The following DIAPH2 variants were observed in gnomAD, a reference collection of about 807,000 sequenced individuals.
DIAPH2 encodes the protein protein diaphanous homolog 2.
Under a neutral mutation model 92.7 loss-of-function variants are expected in DIAPH2, and 35 were observed. The observed-to-expected ratio is 0.38, with a 90% CI of 0.29 to 0.50. The LOEUF is 0.50. Among genes scored for constraint, DIAPH2 ranks in the 20% least tolerant of loss-of-function variants. The probability of loss-of-function intolerance (pLI) is 0.94; values close to 1 mark genes in which losing one functional copy is unlikely to be tolerated. For missense variants in DIAPH2, 701 were observed against 819.5 expected (o/e 0.86, Z 1.77); for synonymous variants, 301 against 280.4 (o/e 1.07, Z -0.73).
intron 23 of DIAPH2, among the ~76,000 whole-genome samples, chrX:97,328,534 CTT>C (rs758843225): frequency 8.9e-6 from 1 of 111,758 alleles, no homozygotes; most frequent in South Asian, 3.8e-4. Context: ...TATCATTGCT[CTT>C]GTTTACATCT....
At position 96,957,871 on chromosome X, in the gene DIAPH2, C is replaced by T. The variant is rs1360739173; in HGVS notation, c.1658C>T (p.Ala553Val). The change falls in exon 16 of 27, where the codon GCA becomes GTA. Residue 553 changes from alanine (A) to valine (V), a missense_variant. By Grantham distance (64) the Ala-to-Val change is moderately conservative. This residue lies in a region of DIAPH2 where 536 missense variants were observed against 599.3 expected (regional missense o/e 0.89). Coordinates refer to ENST00000324765, the MANE Select transcript of DIAPH2 (RefSeq NM_006729.5). ...SSSSGIPGPP[A>V]APPLPGVGPP... ...TCATCAGGAATTCCAGGTCCTCCTG[C>T]AGCACCTCCATTGCCAGGTGTAGGG... is the stretch of plus-strand genomic sequence containing the variant. 2 of 1,208,663 alleles carry T rather than the reference C, an allele frequency of 1.7e-6. No individual in the cohort carries two copies. Among genetic ancestry groups the T allele is most frequent in the African/African-American group, 1.8e-5 (1 of 56,883 alleles).
chrX:97,365,201 T>C (rs1464947654), intron 24 of DIAPH2, among the ~76,000 whole-genome samples: 1 of 111,230 alleles, frequency 9.0e-6, no homozygotes, highest in Non-Finnish European at 1.9e-5. Flanking sequence ...TGTTCTATAT[T>C]AAGTCTCAGC....
intron 5 of DIAPH2, among the ~76,000 whole-genome samples, chrX:96,893,105 A>T (rs996088265): frequency 8.9e-6 from 1 of 112,163 alleles, no homozygotes; most frequent in Non-Finnish European, 1.9e-5. Context: ...GGCACATACT[A>T]GAGTTTTAAT....
At chrX:97,231,576 AAC>A (rs927723448) in intron 22 of DIAPH2, among the ~76,000 whole-genome samples, 1 of 111,655 alleles carries the variant, frequency 9.0e-6, no homozygotes, top group Non-Finnish European at 1.9e-5. Flanking sequence ...ATAACTGAAA[AAC>A]AATTTTTACA....
Position 97,134,786 on chromosome X carries a change from T to A in DIAPH2, c.2590-6879T>A, listed in dbSNP as rs976296818. 4.5e-5 allele frequency among the ~76,000 whole-genome samples: 5 copies of A among 111,979 alleles called. No individual in the cohort carries two copies. The East Asian group carries it at 1.1e-3, about 25-fold the overall frequency. On this transcript the variant is annotated intron_variant, in intron 21 of 26. Transcript: ENST00000324765. The stretch of plus-strand genomic sequence containing the variant: ...TTATTCGGGACAATAATTAGAATAA[T>A]TTTTGTCACTAACCTCACCATTTTC...
At chrX:96,708,189 C>T (rs967721500) in intron 1 of DIAPH2, among the ~76,000 whole-genome samples, 1 of 107,906 alleles carries the variant, frequency 9.3e-6, no homozygotes, top group African/African-American at 3.4e-5. Flanking sequence ...TAATTGTACC[C>T]CTCCCCTCAG....
At position 97,035,042 on chromosome X, in the gene DIAPH2, G is replaced by T. The variant is rs930910166; in HGVS notation, c.2051-37899G>T. ...CTACAACACTACCACAGCTTTGCTT[G>T]TAAGATTTTGTAAGAAATACACAAG... On this transcript the variant is annotated intron_variant, in intron 17 of 26. Coordinates refer to ENST00000324765, the MANE Select transcript of DIAPH2 (RefSeq NM_006729.5). Among the ~76,000 whole-genome samples the T allele has an allele frequency of 2.7e-5, 3 of 111,862 alleles. No individual in the cohort carries two copies. In the East Asian group the frequency reaches 8.5e-4, roughly 32 times the overall value.
At chrX:96,853,343 A>C (rs950354765) in intron 4 of DIAPH2, among the ~76,000 whole-genome samples, 6 of 111,764 alleles carry the variant, frequency 5.4e-5, no homozygotes, top group Admixed American at 4.8e-4. Flanking sequence ...TAATTTAGAA[A>C]TTATTGTTAG....
chrX:97,408,717 C>A (rs1438864094), intron 25 of DIAPH2, among the ~76,000 whole-genome samples: 2 of 111,784 alleles, frequency 1.8e-5, no homozygotes, highest in Non-Finnish European at 3.8e-5. Context: ...AAGCAATATT[C>A]ATTTAAACTT....
At chrX:97,443,302 A>G (rs755482667) in intron 26 of DIAPH2, among the ~76,000 whole-genome samples, 35 of 112,166 alleles carry the variant, frequency 3.1e-4, no homozygotes, top group African/African-American at 1.1e-3. Flanking sequence ...TATTCCGGGA[A>G]GCCTTTTAAA....
intron 26 of DIAPH2, among the ~76,000 whole-genome samples, chrX:97,490,535 C>T (rs981914432): frequency 8.3e-5 from 9 of 108,808 alleles, no homozygotes; most frequent in African/African-American, 2.3e-4. Context: ...TTAATGTAGG[C>T]ATTTTATCAC....
intron 4 of DIAPH2, among the ~76,000 whole-genome samples, chrX:96,785,985 G>A (rs1052959114): frequency 1.8e-5 from 2 of 111,729 alleles, no homozygotes; most frequent in Non-Finnish European, 3.8e-5. Flanking sequence ...GCTCCCTGGA[G>A]CAAATGGAAG....
chrX:96,863,365 A>G (rs2065084118), intron 4 of DIAPH2, among the ~76,000 whole-genome samples: 1 of 105,501 alleles, frequency 9.5e-6, no homozygotes, highest in Admixed American at 1.1e-4. Flanking sequence ...TTGAAACCAT[A>G]TATCCATGTT....
At chrX:97,288,391 C>A in intron 23 of DIAPH2, among the ~76,000 whole-genome samples, 1 of 110,594 alleles carries the variant, frequency 9.0e-6, no homozygotes, top group African/African-American at 3.3e-5. Flanking sequence ...AACTGTGGGG[C>A]CATGCTAAAT....
chrX:97,264,454 T>C (rs1055087485), intron 23 of DIAPH2, among the ~76,000 whole-genome samples: 5 of 110,983 alleles, frequency 4.5e-5, no homozygotes, highest in East Asian at 2.8e-4. Context: ...CACACACACA[T>C]GCTATACATT....
At chrX:97,495,576 A>G (rs2070752615) in intron 26 of DIAPH2, among the ~76,000 whole-genome samples, 1 of 111,719 alleles carries the variant, frequency 9.0e-6, no homozygotes, top group Non-Finnish European at 1.9e-5. Flanking sequence ...AACCCCTTAT[A>G]GGCCACTGGT....
intron 26 of DIAPH2, among the ~76,000 whole-genome samples, chrX:97,435,301 G>A (rs747476266): frequency 1.6e-3 from 182 of 111,373 alleles, no homozygotes; most frequent in African/African-American, 5.9e-3. Context: ...ATGCCTCCTC[G>A]GTGCATTATA....
At chrX:96,738,533 G>A in intron 2 of DIAPH2, 53 bp from the exon 3 acceptor site, 8 of 1,019,468 alleles carry the variant, frequency 7.8e-6, no homozygotes, top group Non-Finnish European at 9.3e-6. Flanking sequence ...CTTCATGTTA[G>A]TAGTTCTTGA....
At position 97,329,682 on chromosome X, in the gene DIAPH2, C is replaced by T. The variant is rs191249774; in HGVS notation, c.2845-18434C>T. ...AAAAGGGAGAGCACATGTGAGGGAA[C>T]GAGCCGGGTTCTCCACTTATGGTTG... On this transcript the variant is annotated intron_variant, in intron 23 of 26. Coordinates refer to ENST00000324765, the MANE Select transcript of DIAPH2 (RefSeq NM_006729.5). Among the ~76,000 whole-genome samples, 33 of 110,788 alleles carry T rather than the reference C, an allele frequency of 3.0e-4. 1 individual carries two copies. Among genetic ancestry groups the T allele is most frequent in the African/African-American group, 7.9e-4 (24 of 30,521 alleles).
Sources: allele counts gnomAD v4.1 joint callset (sites outside exome capture counted in the v4.1 genomes callset), GRCh38; gene constraint gnomAD v4.1.1; regional missense constraint gnomAD v4.1.1; transcripts MANE v1.5; gene names NCBI Gene and HGNC (gene_info 2026-07-23, HGNC 2026-07-21).